TPO: variants seen among roughly 807,000 people sequenced by gnomAD.
TPO encodes thyroid peroxidase.
In TPO, 78 loss-of-function variants were observed where a neutral mutation model predicts 96.9. That is an observed-to-expected ratio of 0.81 (90% CI 0.67 to 0.97). The LOEUF (loss-of-function observed/expected upper bound fraction) is 0.97. Among genes scored for constraint, TPO ranks in the 50% least tolerant of loss-of-function variants. The probability of loss-of-function intolerance (pLI) is 0.00; values close to 1 mark genes in which losing one functional copy is unlikely to be tolerated. For missense variants in TPO, 1,252 were observed against 1,274.8 expected, an observed-to-expected ratio of 0.98 and a Z score of 0.27; for synonymous variants, 547 against 538.0, an observed-to-expected ratio of 1.02 and a Z score of -0.23.
chr2:1,492,587 C>A (rs1671877730), intron 10 of TPO, among the ~76,000 whole-genome samples: 1 of 152,230 alleles, frequency 6.6e-6, no homozygotes, highest in Admixed American at 6.5e-5. Context: ...CATCCCCTTC[C>A]CAGACCAACT....
At chr2:1,420,459 T>G (rs1259979005) in intron 2 of TPO, among the ~76,000 whole-genome samples, 1 of 152,156 alleles carries the variant, frequency 6.6e-6, no homozygotes, top group Non-Finnish European at 1.5e-5. Context: ...AGAGCTAATT[T>G]TTTTTCTGGT....
chr2:1,390,582 C>T (rs544733514), intron 1 of TPO, among the ~76,000 whole-genome samples: 1 of 152,330 alleles, frequency 6.6e-6, no homozygotes, highest in Admixed American at 6.5e-5. Flanking sequence ...AATTCTATTT[C>T]TAGATCCTTG....
chr2:1,523,774 C>T (rs1251868774), intron 15 of TPO, among the ~76,000 whole-genome samples: 1 of 124,476 alleles, frequency 8.0e-6, no homozygotes, highest in Admixed American at 8.6e-5. Context: ...TGTGTGCAAC[C>T]TCTTCTAATC....
intron 3 of TPO, among the ~76,000 whole-genome samples, chr2:1,427,382 T>G (rs1368564254): frequency 6.6e-6 from 1 of 152,144 alleles, no homozygotes; most frequent in Non-Finnish European, 1.5e-5. Context: ...AGCAACCAGG[T>G]TCACCTGCAG....
chr2:1,418,380 G>A (rs1241740312), intron 2 of TPO, among the ~76,000 whole-genome samples: 1 of 152,170 alleles, frequency 6.6e-6, no homozygotes, highest in Non-Finnish European at 1.5e-5. Context: ...CTGTAGGAAG[G>A]TGAGAATAAG....
intron 1 of TPO, among the ~76,000 whole-genome samples, chr2:1,397,701 C>T (rs953136076): frequency 6.6e-6 from 1 of 152,166 alleles, no homozygotes; most frequent in African/African-American, 2.4e-5. Flanking sequence ...GCCTCCAAGC[C>T]TCCCACCCCC....
intron 10 of TPO, among the ~76,000 whole-genome samples, chr2:1,492,719 G>A (rs1464999911): frequency 1.3e-5 from 2 of 152,220 alleles, no homozygotes; most frequent in Non-Finnish European, 2.9e-5. Context: ...GTGCTCACAT[G>A]TTGCTGTGCG....
chr2:1,533,785 TC>T (rs1326806063), intron 15 of TPO, among the ~76,000 whole-genome samples: 3 of 42,482 alleles, frequency 7.1e-5, no homozygotes, highest in East Asian at 1.2e-3. Context: ...CCTCCTCAAA[TC>T]CCCCCCAGTG....
chr2:1,530,345 C>CTA (rs1677806055), intron 15 of TPO, among the ~76,000 whole-genome samples: 1 of 146,764 alleles, frequency 6.8e-6, no homozygotes, highest in African/African-American at 2.6e-5. Flanking sequence ...TCAAATCCCC[C>CTA]CAAGTGTGTG....
At position 1,456,068 on chromosome 2, in the gene TPO, C is replaced by T. The variant is rs778958145; in HGVS notation, c.613-8C>T. 1.3e-5 allele frequency: 21 copies of T among 1,613,170 alleles called. No homozygotes were observed. The highest frequency in any genetic ancestry group is 1.7e-5 in the Non-Finnish European group (20 of 1,179,676). Reference sequence around the variant, plus strand: ...CTATGTCCTGACCAATGGTCTCTTCCTACCCAGGTCCGGGAGGTGACAAGA... The same window carrying T: ...CTATGTCCTGACCAATGGTCTCTTCTTACCCAGGTCCGGGAGGTGACAAGA... On this transcript the variant is annotated splice_region_variant and splice_polypyrimidine_tract_variant and intron_variant, in intron 6 of 16. Coordinates refer to ENST00000329066, the MANE Select transcript of TPO (RefSeq NM_001206744.2).
chr2:1,494,401 G>C (rs571528670), intron 11 of TPO, among the ~76,000 whole-genome samples: 27 of 152,358 alleles, frequency 1.8e-4, no homozygotes, highest in African/African-American at 6.5e-4. Flanking sequence ...CGCAGAGGTG[G>C]ACAGTGACTC....
At chr2:1,526,534 C>G (rs1193113275) in intron 15 of TPO, among the ~76,000 whole-genome samples, 2 of 139,786 alleles carry the variant, frequency 1.4e-5, no homozygotes, top group African/African-American at 2.7e-5. Context: ...GTGTTCGCAA[C>G]CTCCTCAAAT....
At chr2:1,400,259 G>A (rs1348710570) in intron 1 of TPO, among the ~76,000 whole-genome samples, 7 of 152,274 alleles carry the variant, frequency 4.6e-5, no homozygotes, top group African/African-American at 9.6e-5. Context: ...TTGGGAGGCC[G>A]AAGCAGGTGG....
chr2:1,433,728 C>G (rs1665267230), intron 4 of TPO, 121 bp downstream of exon 4: 2 of 1,147,210 alleles, frequency 1.7e-6, no homozygotes, highest in Admixed American at 4.4e-5. Context: ...GGATGGGACT[C>G]CAGCTCTTTC....
At chr2:1,407,937 A>G (rs929705517) in intron 1 of TPO, among the ~76,000 whole-genome samples, 4 of 152,234 alleles carry the variant, frequency 2.6e-5, no homozygotes, top group African/African-American at 9.6e-5. Context: ...TCTAATGCAT[A>G]CTTGATCTGG....
intron 16 of TPO, chr2:1,541,870 AATTCAGTGTGAG>A (rs1220048158): frequency 6.5e-6 from 1 of 154,808 alleles, no homozygotes; most frequent in Non-Finnish European, 1.4e-5. Context: ...TCCCTTCTGA[AATTCAGTGTGAG>A]ATTAGATCCT....
upstream of TPO, among the ~76,000 whole-genome samples, chr2:1,409,573 G>A (rs1662296505): frequency 6.6e-6 from 1 of 152,102 alleles, no homozygotes; most frequent in Admixed American, 6.5e-5. Flanking sequence ...CAGCAACCAG[G>A]ACCAGGGAGT....
At chr2:1,405,319 C>T (rs1478123921) in intron 1 of TPO, among the ~76,000 whole-genome samples, 2 of 151,880 alleles carry the variant, frequency 1.3e-5, no homozygotes, top group East Asian at 3.9e-4. Flanking sequence ...CTCATCCATG[C>T]ACCCACCCAT....
At chr2:1,530,969 C>A (rs1678016965) in intron 15 of TPO, among the ~76,000 whole-genome samples, 1 of 128,316 alleles carries the variant, frequency 7.8e-6, no homozygotes, top group Admixed American at 8.5e-5. Flanking sequence ...CCTCAAATCC[C>A]CCCAGTATGT....
Sources: gnomAD v4.1 joint callset for allele counts (sites outside exome capture counted in the v4.1 genomes callset) on GRCh38, gnomAD v4.1.1 for gene constraint, MANE v1.5 for transcripts, NCBI Gene and HGNC (gene_info 2026-07-23, HGNC 2026-07-21) for gene names.